The following GTF3C4 variants were observed in gnomAD, a reference collection of about 807,000 sequenced individuals.
The protein encoded by GTF3C4 is general transcription factor 3C polypeptide 4.
A neutral mutation model predicts 67.5 loss-of-function variants in GTF3C4; 28 were observed. That is an observed-to-expected ratio of 0.41 (90% CI 0.31 to 0.57). GTF3C4 has a LOEUF of 0.57. GTF3C4 is among the 20% of genes least tolerant of loss of function. GTF3C4 has a pLI of 0.21. For missense variants in GTF3C4, 831 were observed against 1,033.2 expected (o/e 0.80, Z 2.68); for synonymous variants, 409 against 393.0 (o/e 1.04, Z -0.48).
intron 1 of GTF3C4, among the ~76,000 whole-genome samples, chr9:132,675,893 C>CA (rs1835856359): frequency 1.2e-5 from 1 of 82,220 alleles, no homozygotes; most frequent in East Asian, 3.8e-4. Flanking sequence ...ATTCCAGTTA[C>CA]CCTTTTTTTT....
At chr9:132,687,506 C>T (rs1165902653) in intron 4 of GTF3C4, among the ~76,000 whole-genome samples, 179 bp downstream of exon 4, 1 of 152,154 alleles carries the variant, frequency 6.6e-6, no homozygotes, top group Non-Finnish European at 1.5e-5. Context: ...CCACAGCTAA[C>T]TAAAACATGG....
In GTF3C4 at chr9:132,689,776, CTT is replaced by C. The variant is rs1836086687; in HGVS notation, c.*834_*835del. ...ACAGAGGAAAAAAAGATATTTTCCT[CTT>C]TTAGTAATAAGACTTTCAGTATTTT... On this transcript the variant is annotated 3_prime_UTR_variant, in exon 5 of 5. Coordinates refer to ENST00000372146, the MANE Select transcript of GTF3C4 (RefSeq NM_012204.4). 6.6e-6 allele frequency: 1 copy of C among 152,134 alleles called. No individual in the cohort carries two copies. The highest frequency in any genetic ancestry group is 1.5e-5 in the Non-Finnish European group (1 of 68,030). 9.4% of individuals were successfully genotyped at this position (152,134 alleles called of 1,614,324 possible).
chr9:132,670,338 C>G (rs1227386808), upstream of GTF3C4: 18 of 1,427,854 alleles, frequency 1.3e-5, no homozygotes, highest in African/African-American at 1.5e-5. Flanking sequence ...CTAACAGGCT[C>G]TGGAGCTCAA....
chr9:132,687,359 TG>T, intron 4 of GTF3C4, 32 bp downstream of exon 4: 1 of 53,570 alleles, frequency 1.9e-5, no homozygotes, highest in East Asian at 3.4e-4. Flanking sequence ...GGAGGGTGGG[TG>T]GGTGGAACAT....
rs943364821 is a variant in GTF3C4 at position 132,689,266 on chromosome 9, G to A, written c.*321G>A. 7.8e-5 allele frequency: 23 copies of A among 296,552 alleles called. No individual in the cohort carries two copies. Among genetic ancestry groups the A allele is most frequent in the African/African-American group, 4.5e-4 (21 of 46,950 alleles). The allele number at this position is 296,552 out of a possible 1,614,324, so 18.4% of individuals were successfully genotyped here. A position where few individuals can be genotyped will look rare whatever the true frequency, so the allele number is the denominator to read the frequency against. The stretch of plus-strand genomic sequence containing the variant: ...AGAAGCAATTTGAACACAGTGTCCC[G>A]TCATTTCTAGAAACAGAATGGTCTC... On this transcript the variant is annotated 3_prime_UTR_variant, in exon 5 of 5. Transcript: ENST00000372146.
Position 132,689,233 on chromosome 9 carries a change from A to G in GTF3C4, c.*288A>G, listed in dbSNP as rs566173896. 28 of 373,466 alleles carry G rather than the reference A, an allele frequency of 7.5e-5. No homozygotes were observed. The highest frequency in any genetic ancestry group is 1.1e-4 in the Non-Finnish European group (21 of 197,892). The allele number at this position is 373,466 out of a possible 1,614,324, so 23.1% of individuals were successfully genotyped here. A position where few individuals can be genotyped will look rare whatever the true frequency, so the allele number is the denominator to read the frequency against. ...GAGGAACACTTACTTATTTTTAAGT[A>G]TCTTGACAGAAGCAATTTGAACACA... On this transcript the variant is annotated 3_prime_UTR_variant, in exon 5 of 5. Coordinates refer to ENST00000372146, the MANE Select transcript of GTF3C4 (RefSeq NM_012204.4).
chr9:132,690,524 G>A lies in GTF3C4; in HGVS notation c.*1579G>A, dbSNP rs990060664. The A allele has an allele frequency of 7.0e-5, 10 of 142,712 alleles. No individual in the cohort carries two copies. Among genetic ancestry groups the A allele is most frequent in the African/African-American group, 2.6e-4 (10 of 38,648 alleles). 8.8% of individuals were successfully genotyped at this position (142,712 alleles called of 1,614,324 possible). On this transcript the variant is annotated 3_prime_UTR_variant, in exon 5 of 5. Coordinates refer to ENST00000372146, the MANE Select transcript of GTF3C4 (RefSeq NM_012204.4). ...CCCCCACCCCGCATTGATAGGTAGTGCAGACCAGCCCTTGGAGGCACTTCT... is the reference window on the plus strand; with the variant it reads ...CCCCCACCCCGCATTGATAGGTAGTACAGACCAGCCCTTGGAGGCACTTCT...
chr9:132,687,508 A>G (rs1484934629), intron 4 of GTF3C4, among the ~76,000 whole-genome samples, 181 bp downstream of exon 4: 1 of 152,188 alleles, frequency 6.6e-6, no homozygotes, highest in African/African-American at 2.4e-5. Context: ...ACAGCTAACT[A>G]AAACATGGCC....
rs1836093866 is a variant in GTF3C4 at position 132,690,204 on chromosome 9, G to GCCCAGCCC, written c.*1259_*1260insCCCAGCCC. On this transcript the variant is annotated 3_prime_UTR_variant, in exon 5 of 5. Coordinates refer to ENST00000372146, the MANE Select transcript of GTF3C4 (RefSeq NM_012204.4). Reference sequence around the variant, plus strand: ...CACACCTGTAATCCCAGCACTTTGGGAGGCCGAGGCAGACGGGTCACTTGA... The same window carrying GCCCAGCCC: ...CACACCTGTAATCCCAGCACTTTGGGCCCAGCCCAGGCCGAGGCAGACGGGTCACTTGA... 2 of 152,342 alleles carry GCCCAGCCC rather than the reference G, an allele frequency of 1.3e-5. No homozygotes were observed. Among genetic ancestry groups the GCCCAGCCC allele is most frequent in the Non-Finnish European group, 2.9e-5 (2 of 68,174 alleles). The allele number at this position is 152,342 out of a possible 1,614,324, so 9.4% of individuals were successfully genotyped here.
At position 132,679,869 on chromosome 9, in the gene GTF3C4, C is replaced by G; in HGVS notation, c.2184+66C>G. The G allele has an allele frequency of 7.0e-7, 1 of 1,420,098 alleles. No homozygotes were observed. Among genetic ancestry groups the G allele is most frequent in the African/African-American group, 1.4e-5 (1 of 69,976 alleles). The allele number at this position is 1,420,098 out of a possible 1,614,324, so 88.0% of individuals were successfully genotyped here. On this transcript the variant is annotated intron_variant, in intron 2 of 4. Coordinates refer to ENST00000372146, the MANE Select transcript of GTF3C4 (RefSeq NM_012204.4). The surrounding 1 kb of genome is among the most constrained non-coding windows in gnomAD (Gnocchi z 5.9). ...GCTTTCTTCATGAGAAAGAAATGAC[C>G]TAAATTGAGTTCCTGAAGCTCAACT...
At position 132,692,924 on chromosome 9, in the gene GTF3C4, C is replaced by T. The variant is rs1836140550; in HGVS notation, c.*3979C>T. On this transcript the variant is annotated 3_prime_UTR_variant, in exon 5 of 5. Coordinates refer to ENST00000372146, the MANE Select transcript of GTF3C4 (RefSeq NM_012204.4). ...AAGAGGTTTTTGGAGTAAAGATCTG[C>T]TTCATGTCTGCTAGCATGGTATCTG... 1 of 152,180 alleles carries T rather than the reference C, an allele frequency of 6.6e-6. No individual in the cohort carries two copies. Among genetic ancestry groups the T allele is most frequent in the Admixed American group, 6.5e-5 (1 of 15,282 alleles). The allele number at this position is 152,180 out of a possible 1,614,324, so 9.4% of individuals were successfully genotyped here.
In GTF3C4 at chr9:132,679,941, T is replaced by C; in HGVS notation, c.2184+138T>C. 3 of 690,462 alleles carry C rather than the reference T, an allele frequency of 4.3e-6. No individual in the cohort carries two copies. Among genetic ancestry groups the C allele is most frequent in the Non-Finnish European group, 7.2e-6 (3 of 418,334 alleles). The allele number at this position is 690,462 out of a possible 1,614,324, so 42.8% of individuals were successfully genotyped here. On this transcript the variant is annotated intron_variant, in intron 2 of 4. Coordinates refer to ENST00000372146, the MANE Select transcript of GTF3C4 (RefSeq NM_012204.4). This position sits in a 1 kb window ranked among gnomAD's most constrained non-coding sequence, Gnocchi z 5.9. The stretch of plus-strand genomic sequence containing the variant: ...TAATTTATTTGCTTGAGGTGCAGGG[T>C]AATAAATAGGAAGCGTGGATTAATG...
At position 132,678,534 on chromosome 9, in the gene GTF3C4, A is replaced by G. The variant is rs141729595; in HGVS notation, c.915A>G (p.Thr305=). The part of the protein sequence containing the change: ...VGKESISSCN[T]IESGITSPSV... Reference sequence around the variant, plus strand: ...AAGAATCCATCTCTTCATGCAACACAATTGAGTCAGGAATCACCTCTCCCA... The same window carrying G: ...AAGAATCCATCTCTTCATGCAACACGATTGAGTCAGGAATCACCTCTCCCA... Residue 305 remains threonine, a synonymous_variant, in exon 2 of 5, where the codon ACA becomes ACG. Coordinates refer to ENST00000372146, the MANE Select transcript of GTF3C4 (RefSeq NM_012204.4). This position sits in a 1 kb window ranked among gnomAD's most constrained non-coding sequence, Gnocchi z 6.5. 6.2e-6 allele frequency: 10 copies of G among 1,614,070 alleles called. No individual in the cohort carries two copies. The highest frequency in any genetic ancestry group is 7.6e-6 in the Non-Finnish European group (9 of 1,180,012).
intron 3 of GTF3C4, among the ~76,000 whole-genome samples, chr9:132,684,603 T>C (rs1273258642): frequency 6.6e-6 from 1 of 152,230 alleles, no homozygotes; most frequent in Non-Finnish European, 1.5e-5. Flanking sequence ...GCTGACCTCA[T>C]CTGCTGTATT....
upstream of GTF3C4, chr9:132,670,041 G>C: frequency 6.4e-7 from 1 of 1,562,892 alleles, no homozygotes; most frequent in Non-Finnish European, 8.7e-7. Context: ...GCCCCTTCCG[G>C]GTCCGGAACG....
intron 3 of GTF3C4, among the ~76,000 whole-genome samples, chr9:132,684,415 C>A (rs2130900938): frequency 6.6e-6 from 1 of 152,302 alleles, no homozygotes; most frequent in East Asian, 1.9e-4. Context: ...CTGTAGTTAC[C>A]TTCCATCTGG....
intron 1 of GTF3C4, among the ~76,000 whole-genome samples, chr9:132,677,659 C>T (rs1234830194): frequency 6.6e-6 from 1 of 152,146 alleles, no homozygotes; most frequent in Non-Finnish European, 1.5e-5. Context: ...CATTATTTGT[C>T]AATGAAATTT....
intron 1 of GTF3C4, among the ~76,000 whole-genome samples, chr9:132,676,322 A>ATT (rs35467574): frequency 2.5e-5 from 3 of 122,400 alleles, no homozygotes; most frequent in Non-Finnish European, 5.1e-5. Context: ...CATTTGGGGG[A>ATT]TTTTTTTTTT....
intron 1 of GTF3C4, among the ~76,000 whole-genome samples, chr9:132,672,780 G>C (rs1835804212): frequency 6.6e-6 from 1 of 152,222 alleles, no homozygotes. Context: ...CACAAGATAG[G>C]CCTATCTATA....
Sources: gnomAD v4.1 joint callset for allele counts (sites outside exome capture counted in the v4.1 genomes callset) on GRCh38, gnomAD v4.1.1 for gene constraint, Gnocchi (gnomAD v3.1) non-coding constraint, MANE v1.5 for transcripts, NCBI Gene and HGNC (gene_info 2026-07-23, HGNC 2026-07-21) for gene names.